METTL15: variants seen among roughly 807,000 people sequenced by gnomAD.
METTL15 encodes the protein 12S rRNA N(4)-cytidine methyltransferase METTL15.
Under a neutral mutation model 38.3 loss-of-function variants are expected in METTL15, and 34 were observed. That is an observed-to-expected ratio of 0.89 (90% CI 0.68 to 1.18). The LOEUF is 1.18. METTL15 is among the 50% of genes most tolerant of loss of function. METTL15 has a pLI of 0.00. For synonymous variants in METTL15, 162 were observed against 170.9 expected, an observed-to-expected ratio of 0.95 and a Z score of 0.41; for missense variants, 438 against 498.4, an observed-to-expected ratio of 0.88 and a Z score of 1.15.
chr11:28,431,269 C>A (rs1395721550), intron 6 of METTL15, among the ~76,000 whole-genome samples: 1 of 145,574 alleles, frequency 6.9e-6, no homozygotes, highest in African/African-American at 2.5e-5. Context: ...ACCACCCCGT[C>A]TGGGAGGTGT....
intron 3 of METTL15, among the ~76,000 whole-genome samples, chr11:28,348,747 G>T (rs1850018099): frequency 1.3e-5 from 2 of 151,708 alleles, no homozygotes; most frequent in Non-Finnish European, 2.9e-5. Flanking sequence ...TATATCATTG[G>T]GGTACTAGAT....
intron 6 of METTL15, among the ~76,000 whole-genome samples, chr11:28,328,341 A>T (rs1360632295): frequency 6.6e-6 from 1 of 152,130 alleles, no homozygotes; most frequent in Non-Finnish European, 1.5e-5. Context: ...CCAGGTTCTC[A>T]ATTCTGTGAT....
intron 3 of METTL15, among the ~76,000 whole-genome samples, chr11:28,182,365 C>T (rs1173569323): frequency 6.6e-6 from 1 of 152,058 alleles, no homozygotes; most frequent in Non-Finnish European, 1.5e-5. Flanking sequence ...CCCAGGTTTT[C>T]TTCTAAGATT....
At chr11:28,217,742 G>T (rs963587268) in intron 4 of METTL15, among the ~76,000 whole-genome samples, 3 of 152,200 alleles carry the variant, frequency 2.0e-5, no homozygotes, top group Non-Finnish European at 4.4e-5. Flanking sequence ...TGTAGGAGGT[G>T]TAAGGAAGGG....
chr11:28,514,875 C>A (rs1383965560), intron 6 of METTL15, among the ~76,000 whole-genome samples: 2 of 151,826 alleles, frequency 1.3e-5, no homozygotes, highest in Non-Finnish European at 2.9e-5. Context: ...GGGACTAGAT[C>A]TTTTACTATG....
intron 4 of METTL15, among the ~76,000 whole-genome samples, chr11:28,213,062 C>T (rs907362891): frequency 7.2e-5 from 11 of 152,178 alleles, no homozygotes; most frequent in African/African-American, 2.4e-4. Context: ...AAGGCATAAA[C>T]GACTTTATGG....
At chr11:28,518,702 T>G (rs1489937410) in intron 6 of METTL15, among the ~76,000 whole-genome samples, 1 of 152,208 alleles carries the variant, frequency 6.6e-6, no homozygotes, top group Admixed American at 6.5e-5. Context: ...ACATACCAAT[T>G]ATTTTAAACA....
intron 4 of METTL15, among the ~76,000 whole-genome samples, chr11:28,248,027 A>G (rs967504266): frequency 3.9e-5 from 6 of 152,248 alleles, no homozygotes; most frequent in Middle Eastern, 6.8e-3. Context: ...GAAGATAGCA[A>G]TAAGAGTATT....
chr11:28,498,568 T>C (rs1167658667), intron 6 of METTL15, among the ~76,000 whole-genome samples: 3 of 152,130 alleles, frequency 2.0e-5, no homozygotes, highest in East Asian at 3.9e-4. Flanking sequence ...AAAGTAACAA[T>C]TCCTCAAATC....
chr11:28,243,986 G>A (rs755974337), intron 4 of METTL15, among the ~76,000 whole-genome samples: 3 of 152,146 alleles, frequency 2.0e-5, no homozygotes, highest in African/African-American at 4.8e-5. Flanking sequence ...TGATGCCTTA[G>A]CTGATTGGGT....
At chr11:28,285,779 T>C (rs1423767571) in intron 4 of METTL15, among the ~76,000 whole-genome samples, 1 of 152,114 alleles carries the variant, frequency 6.6e-6, no homozygotes, top group East Asian at 1.9e-4. Context: ...TGCTGCTTCT[T>C]TCATATCAAG....
chr11:28,158,363 C>T (rs1224357900), intron 3 of METTL15, among the ~76,000 whole-genome samples: 1 of 152,156 alleles, frequency 6.6e-6, no homozygotes, highest in African/African-American at 2.4e-5. Flanking sequence ...GCCATAGTGG[C>T]AGGGATGGAG....
intron 6 of METTL15, among the ~76,000 whole-genome samples, chr11:28,524,375 A>G (rs1851792200): frequency 6.6e-6 from 1 of 152,196 alleles, no homozygotes; most frequent in Non-Finnish European, 1.5e-5. Context: ...TATTAATGTG[A>G]AAGAGATTGC....
intron 3 of METTL15, among the ~76,000 whole-genome samples, chr11:28,116,796 G>T (rs1590743365): frequency 6.6e-6 from 1 of 152,204 alleles, no homozygotes; most frequent in East Asian, 1.9e-4. Context: ...TCTAGAGAGA[G>T]TCTGTCTCTG....
chr11:28,353,697 G>A (rs1360789270), intron 4 of METTL15, among the ~76,000 whole-genome samples: 3 of 151,542 alleles, frequency 2.0e-5, no homozygotes, highest in African/African-American at 7.3e-5. Context: ...AGGCCGAGGC[G>A]GGTGGATCAT....
At chr11:28,271,050 A>T (rs560401048) in intron 4 of METTL15, among the ~76,000 whole-genome samples, 2 of 152,182 alleles carry the variant, frequency 1.3e-5, no homozygotes, top group Non-Finnish European at 2.9e-5. Context: ...GTTAGCTATT[A>T]TATCAAAAAT....
In METTL15 at chr11:28,235,447, G is replaced by C. The variant is rs185242656; in HGVS notation, c.407+24249G>C. On this transcript the variant is annotated intron_variant, in intron 4 of 6. Transcript: ENST00000407364. Reference sequence around the variant, plus strand: ...TTCTTCCTACCCATGAGCATGGAATGCTCTTCCATTTGTTTGTATCCTCTT... The same window carrying C: ...TTCTTCCTACCCATGAGCATGGAATCCTCTTCCATTTGTTTGTATCCTCTT... Among the ~76,000 whole-genome samples the C allele has an allele frequency of 4.6e-3, 703 of 151,858 alleles. 6 individuals carry two copies. The East Asian group carries it at 0.049, about 11-fold the overall frequency.
At position 28,234,935 on chromosome 11, in the gene METTL15, T is replaced by G. The variant is rs561574656; in HGVS notation, c.407+23737T>G. 7.3e-5 allele frequency among the ~76,000 whole-genome samples: 11 copies of G among 150,486 alleles called. No individual in the cohort carries two copies. The East Asian group carries it at 2.2e-3, about 29-fold the overall frequency. The stretch of plus-strand genomic sequence containing the variant: ...GTTTTCTTCTAGGGTTTTTATGGTT[T>G]TAGGTCTAACGTTTAAATCTTTAAT... On this transcript the variant is annotated intron_variant, in intron 4 of 6. Coordinates refer to ENST00000407364, the MANE Select transcript of METTL15 (RefSeq NM_001113528.2).
At chr11:28,400,457 C>G (rs1276733328) in intron 5 of METTL15, among the ~76,000 whole-genome samples, 1 of 151,928 alleles carries the variant, frequency 6.6e-6, no homozygotes, top group Non-Finnish European at 1.5e-5. Context: ...AAACATCAAG[C>G]TGGCTTCCCC....
Sources: gnomAD v4.1 joint callset for allele counts (sites outside exome capture counted in the v4.1 genomes callset) on GRCh38, gnomAD v4.1.1 for gene constraint, MANE v1.5 for transcripts, NCBI Gene and HGNC (gene_info 2026-07-23, HGNC 2026-07-21) for gene names.